The following AP4E1 variants were observed in gnomAD, a reference collection of about 807,000 sequenced individuals.
The protein encoded by AP4E1 is adaptor related protein complex 4 subunit epsilon 1, also known as AP-4 complex subunit epsilon-1.
In AP4E1, 56 loss-of-function variants were observed where a neutral mutation model predicts 128.2. That is an observed-to-expected ratio of 0.44 (90% CI 0.35 to 0.55). The LOEUF (loss-of-function observed/expected upper bound fraction) is 0.55. Ranked by LOEUF, AP4E1 falls within the 20% of genes least tolerant of loss-of-function variation. The pLI is 0.00. For synonymous variants in AP4E1, 484 were observed against 473.1 expected, an observed-to-expected ratio of 1.02 and a Z score of -0.30; for missense variants, 1,324 against 1,307.7, an observed-to-expected ratio of 1.01 and a Z score of -0.19.
chr15:50,929,744 TGAACTC>T (rs2063809382), intron 6 of AP4E1, among the ~76,000 whole-genome samples: 1 of 152,202 alleles, frequency 6.6e-6, no homozygotes, highest in Non-Finnish European at 1.5e-5. Context: ...AATATGCTAT[TGAACTC>T]ATTTAAAGTT....
chr15:50,908,698 C>T lies in AP4E1; in HGVS notation c.-81C>T. 2 of 1,381,510 alleles carry T rather than the reference C, an allele frequency of 1.4e-6. No individual in the cohort carries two copies. Among genetic ancestry groups the T allele is most frequent in the Non-Finnish European group, 1.9e-6 (2 of 1,068,088 alleles). The allele number at this position is 1,381,510 out of a possible 1,614,324, so 85.6% of individuals were successfully genotyped here. ...AAAAACAGGAAGTGCCTACGGAGGC[C>T]GGGCCGGCAGCGGCGGCCGGGCATG... is the stretch of plus-strand genomic sequence containing the variant. On this transcript the variant is annotated 5_prime_UTR_variant, in exon 1 of 21. Transcript: ENST00000261842.
In AP4E1 at chr15:50,964,955, CCA is replaced by C. The variant is rs55825810; in HGVS notation, c.1852-3272_1852-3271del. Among the ~76,000 whole-genome samples, 204 of 131,434 alleles carry C rather than the reference CCA, an allele frequency of 1.6e-3. 2 individuals carry two copies. Among genetic ancestry groups the C allele is most frequent in the Middle Eastern group, 3.6e-3 (1 of 278 alleles). The allele number at this position is 131,434 out of a possible 152,430, so 86.2% of individuals were successfully genotyped here. A position where few individuals can be genotyped will look rare whatever the true frequency, so the allele number is the denominator to read the frequency against. On this transcript the variant is annotated intron_variant, in intron 14 of 20. Coordinates refer to ENST00000261842, the MANE Select transcript of AP4E1 (RefSeq NM_007347.5). ...TTGTAAAGTATAACACCTCCCCCTA[CCA>C]CACACACACACACACACACACACAC...
intron 2 of AP4E1, 78 bp downstream of exon 2, chr15:50,912,227 A>G: frequency 7.9e-7 from 1 of 1,261,288 alleles, no homozygotes; most frequent in Non-Finnish European, 1.2e-6. Context: ...CATCTAACTG[A>G]TGATCGGTTG....
intron 7 of AP4E1, among the ~76,000 whole-genome samples, chr15:50,931,671 C>G (rs908376273): frequency 1.3e-5 from 2 of 152,252 alleles, no homozygotes; most frequent in East Asian, 3.9e-4. Context: ...AAAGCAGCCA[C>G]AGATAGAACA....
chr15:50,982,000 G>A (rs1046775965), intron 15 of AP4E1, among the ~76,000 whole-genome samples: 19 of 144,236 alleles, frequency 1.3e-4, no homozygotes, highest in African/African-American at 3.1e-4. Context: ...CAGGAGAATC[G>A]CTTGAACACG....
intron 14 of AP4E1, among the ~76,000 whole-genome samples, chr15:50,967,873 C>T (rs967416858): frequency 1.3e-5 from 2 of 152,202 alleles, no homozygotes; most frequent in East Asian, 3.9e-4. Flanking sequence ...AGTACAGTGG[C>T]ACAGTCTCGG....
At chr15:50,975,421 C>T (rs1596497514) in intron 15 of AP4E1, among the ~76,000 whole-genome samples, 1 of 152,106 alleles carries the variant, frequency 6.6e-6, no homozygotes, top group African/African-American at 2.4e-5. Flanking sequence ...ATGAGTTTTA[C>T]AGTTTTGGGT....
rs536776261 is a variant in AP4E1 at position 50,960,819 on chromosome 15, C to CA, written c.1851+2035dup. ...ACAAAATGGAGACGTAAAAAAGATA[C>CA]AAAAAAAAAAGAGACAAAAAGTTGG... On this transcript the variant is annotated intron_variant, in intron 14 of 20. Transcript: ENST00000261842. Among the ~76,000 whole-genome samples the CA allele has an allele frequency of 1.8e-3, 234 of 133,582 alleles. 3 individuals carry two copies. The East Asian group carries it at 0.027, about 15-fold the overall frequency. 87.6% of individuals were successfully genotyped at this position (133,582 alleles called of 152,430 possible).
At chr15:50,960,379 A>G (rs1310062208) in intron 14 of AP4E1, among the ~76,000 whole-genome samples, 1 of 152,192 alleles carries the variant, frequency 6.6e-6, no homozygotes, top group Non-Finnish European at 1.5e-5. Flanking sequence ...TAGGCCACAA[A>G]AAAGTCTCAA....
chr15:50,997,960 C>A (rs2064903525), intron 18 of AP4E1, 77 bp downstream of exon 18: 2 of 1,168,552 alleles, frequency 1.7e-6, no homozygotes, highest in Non-Finnish European at 2.4e-6. Flanking sequence ...TTAAATGTCT[C>A]CTTCACTTTT....
At chr15:51,001,885 ATT>A (rs548867254) in intron 20 of AP4E1, among the ~76,000 whole-genome samples, 2 of 147,982 alleles carry the variant, frequency 1.4e-5, no homozygotes, top group Non-Finnish European at 3.0e-5. Context: ...TTTAGATTTA[ATT>A]TTTTTTTTTG....
At chr15:50,972,623 C>T (rs185412984) in intron 15 of AP4E1, among the ~76,000 whole-genome samples, 16 of 152,306 alleles carry the variant, frequency 1.1e-4, no homozygotes, top group Non-Finnish European at 1.9e-4. Flanking sequence ...GGTTTCCCAG[C>T]CTGTTTTCAA....
intron 15 of AP4E1, among the ~76,000 whole-genome samples, chr15:50,971,407 A>G (rs2064475974): frequency 6.6e-6 from 1 of 152,176 alleles, no homozygotes; most frequent in African/African-American, 2.4e-5. Context: ...CAGTTTGACT[A>G]AAATGTGCCA....
At position 50,997,732 on chromosome 15, in the gene AP4E1, C is replaced by G; in HGVS notation, c.2753C>G (p.Ala918Gly). The change falls in exon 18 of 21, where the codon GCT (alanine) becomes GGT (glycine). Residue 918 changes from alanine to glycine, a missense_variant. Transcript: ENST00000261842. ...EETTEYIHSN[A>G]MEVCNNETIS... ...ACTACTGAATACATACACTCAAATG[C>G]TATGGAAGTCTGTAATAATGAAACT... is the stretch of plus-strand genomic sequence containing the variant. 6.2e-7 allele frequency: 1 copy of G among 1,613,774 alleles called. No homozygotes were observed. The highest frequency in any genetic ancestry group is 8.5e-7 in the Non-Finnish European group (1 of 1,179,932).
Position 50,968,334 on chromosome 15 carries a change from A to G in AP4E1, c.1923A>G (p.Lys641=), listed in dbSNP as rs1184139718. ...TCAGTCAGGGTGCAGCGCCTTACAA[A>G]CCTCCCCATCAACGCCAGGAGGAAA... The part of the protein sequence containing the change: ...EGLSQGAAPY[K]PPHQRQEEKL... Residue 641 remains lysine (K), a synonymous_variant, in exon 15 of 21, where the codon AAA becomes AAG. Transcript: ENST00000261842. 6.2e-7 allele frequency: 1 copy of G among 1,613,504 alleles called. No homozygotes were observed. Among genetic ancestry groups the G allele is most frequent in the Admixed American group, 1.7e-5 (1 of 59,982 alleles).
chr15:50,911,573 C>T (rs1324252507), intron 1 of AP4E1, among the ~76,000 whole-genome samples: 2 of 150,996 alleles, frequency 1.3e-5, no homozygotes, highest in Non-Finnish European at 2.9e-5. Context: ...ACATTCACTT[C>T]CCGGGTTCAA....
intron 6 of AP4E1, among the ~76,000 whole-genome samples, chr15:50,930,021 A>G (rs910884267): frequency 6.6e-6 from 1 of 151,190 alleles, no homozygotes; most frequent in Non-Finnish European, 1.5e-5. Flanking sequence ...ATATTTTTAG[A>G]TACTGTGTGG....
chr15:50,969,418 AGTCT>A (rs2064445251), intron 15 of AP4E1, among the ~76,000 whole-genome samples: 1 of 152,170 alleles, frequency 6.6e-6, no homozygotes, highest in Admixed American at 6.5e-5. Context: ...GACACATATT[AGTCT>A]GAGCATATCT....
In AP4E1 at chr15:50,958,599, C is replaced by T; in HGVS notation, c.1656C>T (p.Ala552=). The T allele has an allele frequency of 6.2e-7, 1 of 1,614,138 alleles. No homozygotes were observed. Among genetic ancestry groups the T allele is most frequent in the South Asian group, 1.1e-5 (1 of 91,086 alleles). Residue 552 remains alanine (A), a synonymous_variant, in exon 14 of 21, where the codon GCC becomes GCT. Transcript: ENST00000261842. Reference sequence around the variant, plus strand: ...ACTCTGTGTCTTCAGAAACAAAAGCCTGGTTAATTGCTGCTGTGACCAAAT... The same window carrying T: ...ACTCTGTGTCTTCAGAAACAAAAGCTTGGTTAATTGCTGCTGTGACCAAAT... ...MNDSVSSETK[A]WLIAAVTKLT...
Sources: gnomAD v4.1 joint callset for allele counts (sites outside exome capture counted in the v4.1 genomes callset) on GRCh38, gnomAD v4.1.1 for gene constraint, MANE v1.5 for transcripts, NCBI Gene and HGNC (gene_info 2026-07-23, HGNC 2026-07-21) for gene names.